GGTLC1: variants seen among roughly 807,000 people sequenced by gnomAD.
The protein encoded by GGTLC1 is gamma-glutamyltransferase light chain 1.
A neutral mutation model predicts 19.5 loss-of-function variants in GGTLC1; 14 were observed. That is an observed-to-expected ratio of 0.72 (90% CI 0.47 to 1.12). GGTLC1 has a LOEUF of 1.12. GGTLC1 is among the 50% of genes most tolerant of loss of function. The pLI is 0.00. For missense variants in GGTLC1, 304 were observed against 309.2 expected, an observed-to-expected ratio of 0.98 and a Z score of 0.13; for synonymous variants, 110 against 124.2, an observed-to-expected ratio of 0.89 and a Z score of 0.76.
chr20:23,987,039 G>T (rs1357630180), intron 1 of GGTLC1, among the ~76,000 whole-genome samples: 2 of 152,224 alleles, frequency 1.3e-5, no homozygotes, highest in Admixed American at 6.5e-5. Flanking sequence ...GAATCAAGAG[G>T]CATGAGGTAT....
chr20:23,987,920 G>A (rs1408295956), intron 1 of GGTLC1, among the ~76,000 whole-genome samples: 1 of 137,750 alleles, frequency 7.3e-6, no homozygotes, highest in Non-Finnish European at 1.5e-5. Flanking sequence ...GTGGTGGCGG[G>A]CGCCTGTAGT....
Position 23,987,919 on chromosome 20 carries a change from G to T in GGTLC1, c.-35+690C>A, listed in dbSNP as rs184708807. ...AAAAAATTAGCCGGGTGTGGTGGCG[G>T]GCGCCTGTAGTCCCAACTCCAGAGG... On this transcript the variant is annotated intron_variant, in intron 1 of 5. Coordinates refer to ENST00000335694, the MANE Select transcript of GGTLC1 (RefSeq NM_178311.3). 9.3e-5 allele frequency among the ~76,000 whole-genome samples: 12 copies of T among 129,628 alleles called. No homozygotes were observed. The East Asian group carries it at 2.4e-3, about 26-fold the overall frequency. The allele number at this position is 129,628 out of a possible 152,430, so 85.0% of individuals were successfully genotyped here. A position where few individuals can be genotyped will look rare whatever the true frequency, so the allele number is the denominator to read the frequency against.
Position 23,985,068 on chromosome 20 carries a change from G to T in GGTLC1, c.*148C>A, listed in dbSNP as rs1987789122. On this transcript the variant is annotated 3_prime_UTR_variant, in exon 6 of 6. Transcript: ENST00000335694. The stretch of plus-strand genomic sequence containing the variant: ...GCCCAGAGAGTGGGGAGACAGGCCA[G>T]GGAGGCCACCTGGAGCCTGGCACAG... 1 of 1,190,586 alleles carries T rather than the reference G, an allele frequency of 8.4e-7. No homozygotes were observed. Among genetic ancestry groups the T allele is most frequent in the Non-Finnish European group, 1.2e-6 (1 of 832,738 alleles). The allele number at this position is 1,190,586 out of a possible 1,614,324, so 73.8% of individuals were successfully genotyped here. A position where few individuals can be genotyped will look rare whatever the true frequency, so the allele number is the denominator to read the frequency against.
chr20:23,986,247 C>T lies in GGTLC1; in HGVS notation c.177-44G>A, dbSNP rs544003351. 4.4e-6 allele frequency: 7 copies of T among 1,593,372 alleles called. No homozygotes were observed. The South Asian group carries it at 7.0e-5, about 16-fold the overall frequency. On this transcript the variant is annotated intron_variant, in intron 2 of 5. Transcript: ENST00000335694. ...AGACAGTGCCCGACCTTGCCTGGCCCAGCCTGGTCCCTATCCACCCACTGA... is the reference window on the plus strand; with the variant it reads ...AGACAGTGCCCGACCTTGCCTGGCCTAGCCTGGTCCCTATCCACCCACTGA...
chr20:23,986,379 G>C, intron 2 of GGTLC1, 57 bp downstream of exon 2: 1 of 1,602,778 alleles, frequency 6.2e-7, no homozygotes. Context: ...TAAGTGGGCA[G>C]TCCCTGAGCC....
Position 23,988,683 on chromosome 20 carries a change from G to T in GGTLC1, c.-109C>A. 1 of 334,642 alleles carries T rather than the reference G, an allele frequency of 3.0e-6. No individual in the cohort carries two copies. The highest frequency in any genetic ancestry group is 4.7e-6 in the Non-Finnish European group (1 of 213,356). The allele number at this position is 334,642 out of a possible 1,614,324, so 20.7% of individuals were successfully genotyped here. On this transcript the variant is annotated 5_prime_UTR_variant, in exon 1 of 6. The change creates a new upstream start codon in the 5' untranslated region. Transcript: ENST00000335694. ...AAGTGCTCACGCGCCCACTCCCTCAGGTTTAAAAGGCGCGTTGCCCGGCAG... is the reference window on the plus strand; with the variant it reads ...AAGTGCTCACGCGCCCACTCCCTCATGTTTAAAAGGCGCGTTGCCCGGCAG...
At chr20:23,985,808 G>T in intron 4 of GGTLC1, 28 bp from the exon 5 acceptor site, 1 of 1,612,036 alleles carries the variant, frequency 6.2e-7, no homozygotes, top group Non-Finnish European at 8.5e-7. Context: ...GATCAGCATG[G>T]CTTGGGGGCT....
In GGTLC1 at chr20:23,985,726, G is replaced by T. The variant is rs760816047; in HGVS notation, c.472C>A (p.Pro158Thr). ...GYDVKWAVEE[P>T]RLHNQLLPNV... Reference sequence around the variant, plus strand: ...GGCAGAAGCTGGTTGTGCAGCCGGGGCTCCTCCACGGCCCACTTCACGTCA... The same window carrying T: ...GGCAGAAGCTGGTTGTGCAGCCGGGTCTCCTCCACGGCCCACTTCACGTCA... Residue 158 changes from proline to threonine, a missense_variant, in exon 5 of 6, where the codon CCC (proline) becomes ACC (threonine). Physicochemically the swap from Pro to Thr is conservative, Grantham distance 38 (BLOSUM62 -1). Transcript: ENST00000335694. 2 of 1,612,034 alleles carry T rather than the reference G, an allele frequency of 1.2e-6. No individual in the cohort carries two copies. The highest frequency in any genetic ancestry group is 1.7e-6 in the Non-Finnish European group (2 of 1,179,860).
rs1337393975 is a variant in GGTLC1 at position 23,985,177 on chromosome 20, G to T, written c.*39C>A. 1 of 1,611,944 alleles carries T rather than the reference G, an allele frequency of 6.2e-7. No individual in the cohort carries two copies. The highest frequency in any genetic ancestry group is 1.1e-5 in the South Asian group (1 of 90,970). On this transcript the variant is annotated 3_prime_UTR_variant, in exon 6 of 6. Coordinates refer to ENST00000335694, the MANE Select transcript of GGTLC1 (RefSeq NM_178311.3). Reference sequence around the variant, plus strand: ...TCTTCCTCGTCCTGGTGAGTATTTTGTTCCTGGATTGCTTGTCAGCCTTGT... The same window carrying T: ...TCTTCCTCGTCCTGGTGAGTATTTTTTTCCTGGATTGCTTGTCAGCCTTGT...
chr20:23,986,892 C>T, intron 1 of GGTLC1: 2 of 1,312,500 alleles, frequency 1.5e-6, no homozygotes, highest in Non-Finnish European at 2.0e-6. Flanking sequence ...TTCCTTCATG[C>T]AAAAAATATT....
chr20:23,988,231 A>G (rs770565021), intron 1 of GGTLC1, among the ~76,000 whole-genome samples: 7 of 150,830 alleles, frequency 4.6e-5, no homozygotes, highest in Non-Finnish European at 8.8e-5. Flanking sequence ...TATTTTTACT[A>G]GAGACGGGGT....
chr20:23,986,400 G>C, intron 2 of GGTLC1, 36 bp downstream of exon 2: 1 of 1,608,740 alleles, frequency 6.2e-7, no homozygotes, highest in Non-Finnish European at 8.5e-7. Context: ...ACCCTCCCCT[G>C]GCCCTTTCCC....
At chr20:23,987,340 T>C (rs1202338669) in intron 1 of GGTLC1, among the ~76,000 whole-genome samples, 1 of 152,078 alleles carries the variant, frequency 6.6e-6, no homozygotes, top group African/African-American at 2.4e-5. Context: ...CTCTGGCAGC[T>C]ATGACGGGGA....
chr20:23,986,469 C>T lies in GGTLC1; in HGVS notation c.143G>A (p.Ser48Asn), dbSNP rs754771816. The change falls in exon 2 of 6, where the codon AGT (serine) becomes AAT (asparagine). Residue 48 changes from serine to asparagine, a missense_variant. Transcript: ENST00000335694. The part of the protein sequence containing the change: ...AHLSVVAEDG[S>N]AVSATSTINL... Reference sequence around the variant, plus strand: ...GATGGTGCTGGTGGCGGACACAGCACTGCCGTCCTCTGCGACCACAGACAG... The same window carrying T: ...GATGGTGCTGGTGGCGGACACAGCATTGCCGTCCTCTGCGACCACAGACAG... 3 of 1,611,926 alleles carry T rather than the reference C, an allele frequency of 1.9e-6. No individual in the cohort carries two copies. The highest frequency in any genetic ancestry group is 1.1e-5 in the South Asian group (1 of 90,984).
rs1048439838 is a variant in GGTLC1 at position 23,985,220 on chromosome 20, T to A, written c.674A>T (p.Tyr225Phe). 2 of 1,611,894 alleles carry A rather than the reference T, an allele frequency of 1.2e-6. No individual in the cohort carries two copies. The highest frequency in any genetic ancestry group is 2.7e-5 in the African/African-American group (2 of 74,866). Reference protein sequence around the residue: ...DSRKGGEPAGY With the variant: ...DSRKGGEPAGF ...AGCCTTGTCCGCCTGGAGCAATCAG[T>A]AGCCAGCAGGTTCCCCACCTTTCCT... The change falls in exon 6 of 6, where the codon TAC becomes TTC. Residue 225 changes from tyrosine to phenylalanine, a missense_variant. Transcript: ENST00000335694.
At chr20:23,987,328 C>T (rs1037292289) in intron 1 of GGTLC1, among the ~76,000 whole-genome samples, 8 of 152,090 alleles carry the variant, frequency 5.3e-5, no homozygotes, top group African/African-American at 1.9e-4. Flanking sequence ...TTCACAGGGT[C>T]CCTCTGGCAG....
Position 23,986,537 on chromosome 20 carries a change from G to A in GGTLC1, c.75C>T (p.Tyr25=). Residue 25 remains tyrosine (Y), a synonymous_variant, in exon 2 of 6, where the codon TAC becomes TAT. Transcript: ENST00000335694. ...SDDTTHPISY[Y]KPEFYMPDDG... ...CATCCGGCATGTAGAACTCGGGCTTGTAGTAGGAGATCGGGTGAGTGGTGT... is the reference window on the plus strand; with the variant it reads ...CATCCGGCATGTAGAACTCGGGCTTATAGTAGGAGATCGGGTGAGTGGTGT... 2 of 1,611,528 alleles carry A rather than the reference G, an allele frequency of 1.2e-6. No individual in the cohort carries two copies. The highest frequency in any genetic ancestry group is 1.7e-6 in the Non-Finnish European group (2 of 1,179,682).
intron 1 of GGTLC1, among the ~76,000 whole-genome samples, chr20:23,988,067 A>AAAAG (rs1555789435): frequency 1.3e-5 from 1 of 75,888 alleles, no homozygotes; most frequent in African/African-American, 5.1e-5. Context: ...AAAAAAAAAA[A>AAAAG]AGAGTCTGGC....
chr20:23,985,188 G>A lies in GGTLC1; in HGVS notation c.*28C>T. On this transcript the variant is annotated 3_prime_UTR_variant, in exon 6 of 6. Transcript: ENST00000335694. The stretch of plus-strand genomic sequence containing the variant: ...CTGGTGAGTATTTTGTTCCTGGATT[G>A]CTTGTCAGCCTTGTCCGCCTGGAGC... 6 of 1,611,964 alleles carry A rather than the reference G, an allele frequency of 3.7e-6. No homozygotes were observed. The highest frequency in any genetic ancestry group is 5.1e-6 in the Non-Finnish European group (6 of 1,179,844).
Sources: allele counts gnomAD v4.1 joint callset (sites outside exome capture counted in the v4.1 genomes callset), GRCh38; gene constraint gnomAD v4.1.1; transcripts MANE v1.5; gene names NCBI Gene and HGNC (gene_info 2026-07-23, HGNC 2026-07-21).